The following SMG1 variants were observed in gnomAD, a reference collection of about 807,000 sequenced individuals.
SMG1 encodes SMG1 nonsense mediated mRNA decay associated PI3K related kinase.
Under a neutral mutation model 419.9 loss-of-function variants are expected in SMG1, and 22 were observed. The observed-to-expected ratio is 0.05, with a 90% CI of 0.04 to 0.07. The LOEUF (loss-of-function observed/expected upper bound fraction) is 0.07, where lower values mean the gene tolerates loss of function less well. Ranked by LOEUF, SMG1 falls within the 10% of genes least tolerant of loss-of-function variation. SMG1 has a pLI of 1.00. For synonymous variants in SMG1, 1,538 were observed against 1,553.5 expected (o/e 0.99, Z 0.23); for missense variants, 3,185 against 4,342.0 (o/e 0.73, Z 7.49).
intron 1 of SMG1, chr16:18,900,224 G>A (rs957500534): frequency 1.8e-5 from 8 of 439,298 alleles, no homozygotes; most frequent in Non-Finnish European, 2.0e-5. Flanking sequence ...AGGATAAAGA[G>A]GCTTAATGTG....
chr16:18,827,729 T>C (rs1008080047), intron 55 of SMG1, among the ~76,000 whole-genome samples: 2 of 145,062 alleles, frequency 1.4e-5, no homozygotes, highest in South Asian at 4.2e-4. Context: ...GGTATAAATA[T>C]ACCAAAATAT....
At chr16:18,923,508 T>G (rs2038276066) in intron 1 of SMG1, among the ~76,000 whole-genome samples, 1 of 151,974 alleles carries the variant, frequency 6.6e-6, no homozygotes, top group Non-Finnish European at 1.5e-5. Flanking sequence ...GCTGGACGCC[T>G]GTAATCCCAG....
intron 10 of SMG1, among the ~76,000 whole-genome samples, chr16:18,880,754 C>CCATGCA (rs2036353729): frequency 6.8e-6 from 1 of 146,252 alleles, no homozygotes; most frequent in Non-Finnish European, 1.5e-5. Context: ...GCATTCTTGG[C>CCATGCA]CATGCACAGT....
At chr16:18,880,921 G>T (rs983597380) in intron 10 of SMG1, among the ~76,000 whole-genome samples, 2 of 148,542 alleles carry the variant, frequency 1.3e-5, no homozygotes, top group African/African-American at 5.0e-5. Context: ...GAGCCCAAGA[G>T]ATAGAGACTG....
chr16:18,926,182 G>GA lies in SMG1; in HGVS notation c.-142dup. The GA allele has an allele frequency of 2.8e-6, 2 of 719,902 alleles. No homozygotes were observed. The highest frequency in any genetic ancestry group is 4.3e-6 in the Non-Finnish European group (2 of 462,692). The allele number at this position is 719,902 out of a possible 1,614,324, so 44.6% of individuals were successfully genotyped here. ...AGGAGGAGGAGGAGGAGGAGGAGGA[G>GA]AAGGAGGAGGCGGCGGAGGGCGGGG... On this transcript the variant is annotated 5_prime_UTR_variant, in exon 1 of 63. Coordinates refer to ENST00000446231, the MANE Select transcript of SMG1 (RefSeq NM_015092.5).
chr16:18,890,328 T>C (rs930114551), intron 5 of SMG1, among the ~76,000 whole-genome samples: 5 of 152,136 alleles, frequency 3.3e-5, no homozygotes, highest in Admixed American at 6.6e-5. Context: ...CCAGTGAGAC[T>C]AGCAAATTAA....
Position 18,866,221 on chromosome 16 carries a change from T to C in SMG1, c.3350+400A>G, listed in dbSNP as rs1227520306. On this transcript the variant is annotated intron_variant, in intron 23 of 62. Transcript: ENST00000446231. ...TAAACTAACATAAATGGACACAGAA[T>C]ATTATGGTACAAGCTCCTCTACCTG... The C allele has an allele frequency of 3.1e-5, 7 of 222,518 alleles. No individual in the cohort carries two copies. The East Asian group carries it at 8.6e-4, about 27-fold the overall frequency. The allele number at this position is 222,518 out of a possible 1,614,324, so 13.8% of individuals were successfully genotyped here. A position where few individuals can be genotyped will look rare whatever the true frequency, so the allele number is the denominator to read the frequency against.
Position 18,828,041 on chromosome 16 carries a change from G to A in SMG1, c.9731C>T (p.Ala3244Val), listed in dbSNP as rs560661734. 21 of 1,611,954 alleles carry A rather than the reference G, an allele frequency of 1.3e-5. No individual in the cohort carries two copies. In the East Asian group the frequency reaches 1.3e-4, roughly 10 times the overall value. Reference protein sequence around the residue: ...HTLSQIETSIATVQEKLAALE... With the variant: ...HTLSQIETSIVTVQEKLAALE... Reference sequence around the variant, plus strand: ...TCTGGCAAAACACACCTGAACTGTTGCAATAGAAGTTTCAATCTGGCTCAG... The same window carrying A: ...TCTGGCAAAACACACCTGAACTGTTACAATAGAAGTTTCAATCTGGCTCAG... Residue 3244 changes from alanine (A) to valine (V), a missense_variant, in exon 55 of 63, where the codon GCA becomes GTA. Ala to Val is a moderately conservative substitution (Grantham distance 64, BLOSUM62 0). Transcript: ENST00000446231.
chr16:18,828,275 G>C, intron 54 of SMG1, 107 bp from the exon 55 acceptor site: 2 of 1,109,820 alleles, frequency 1.8e-6, no homozygotes, highest in Non-Finnish European at 2.6e-6. Context: ...AAAAATCCCA[G>C]CTGCAGCCAA....
Position 18,850,362 on chromosome 16 carries a change from C to G in SMG1, c.5158G>C (p.Glu1720Gln). Residue 1720 changes from glutamate (E) to glutamine (Q), a missense_variant, in exon 34 of 63, where the codon GAA becomes CAA. By Grantham distance (29) the Glu-to-Gln change is conservative (BLOSUM62 2). Coordinates refer to ENST00000446231, the MANE Select transcript of SMG1 (RefSeq NM_015092.5). ...CCTTCAGTTGCACTTTCATCAAGTT[C>G]TGAAAGCCATGGGCAGCTTGATATC... is the stretch of plus-strand genomic sequence containing the variant. ...QLISSCPWLS[E>Q]LDESATEGVI... is the part of the protein sequence containing the mutation. 12 of 1,613,998 alleles carry G rather than the reference C, an allele frequency of 7.4e-6. No homozygotes were observed. Among genetic ancestry groups the G allele is most frequent in the Non-Finnish European group, 1.0e-5 (12 of 1,179,860 alleles).
At chr16:18,919,684 AC>A (rs2038118487) in intron 1 of SMG1, among the ~76,000 whole-genome samples, 1 of 149,952 alleles carries the variant, frequency 6.7e-6, no homozygotes, top group Non-Finnish European at 1.5e-5. Flanking sequence ...ACACACACAC[AC>A]ACACACACAC....
chr16:18,818,853 G>C (rs1285431422), intron 56 of SMG1, among the ~76,000 whole-genome samples: 2 of 123,234 alleles, frequency 1.6e-5, no homozygotes, highest in African/African-American at 6.1e-5. Context: ...GTCTTGCTCT[G>C]TCACCCAGGC....
chr16:18,909,235 G>A (rs868293854), intron 1 of SMG1, among the ~76,000 whole-genome samples: 133 of 151,890 alleles, frequency 8.8e-4, no homozygotes, highest in African/African-American at 3.1e-3. Flanking sequence ...CCAGCTACTC[G>A]GGAGGCTGAG....
intron 57 of SMG1, 119 bp downstream of exon 57, chr16:18,817,170 CCT>C: frequency 1.3e-6 from 1 of 742,844 alleles, no homozygotes; most frequent in Non-Finnish European, 1.9e-6. Context: ...CCCCCGCCCC[CCT>C]AACAACCTCT....
intron 21 of SMG1, 71 bp downstream of exon 21, chr16:18,868,452 T>A: frequency 6.7e-7 from 1 of 1,497,398 alleles, no homozygotes; most frequent in South Asian, 1.2e-5. Flanking sequence ...TACTGTGATT[T>A]CAGCTCTGCA....
At chr16:18,812,299 G>T in intron 60 of SMG1, 172 bp from the exon 61 acceptor site, 1 of 594,068 alleles carries the variant, frequency 1.7e-6, no homozygotes, top group Non-Finnish European at 2.8e-6. Context: ...CCTAAAAACA[G>T]CCAGACATTC....
In SMG1 at chr16:18,888,760, G is replaced by A. The variant is rs972611512; in HGVS notation, c.822+612C>T. ...GGATTATAGGCATATAGGCCACCAC[G>A]CTTGGCTGAGGAAAAAAATCTTAAA... On this transcript the variant is annotated intron_variant, in intron 6 of 62. Transcript: ENST00000446231. 8.1e-5 allele frequency among the ~76,000 whole-genome samples: 12 copies of A among 147,688 alleles called. No homozygotes were observed. The East Asian group carries it at 1.2e-3, about 15-fold the overall frequency.
rs1567329031 is a variant in SMG1, at chr16:18,829,499, G to A, written c.9390C>T (p.Ser3130=). The A allele has an allele frequency of 6.2e-7, 1 of 1,613,864 alleles. No individual in the cohort carries two copies. The highest frequency in any genetic ancestry group is 8.5e-7 in the Non-Finnish European group (1 of 1,179,890). The change falls in exon 54 of 63, where the codon AGC becomes AGT. Residue 3130 remains serine (S), a synonymous_variant. Transcript: ENST00000446231. ...TACAGAGATCATCAACAGAAACTTTGCTTTCGGCACCAAAGTCCTTTGCCT... is the reference window on the plus strand; with the variant it reads ...TACAGAGATCATCAACAGAAACTTTACTTTCGGCACCAAAGTCCTTTGCCT... ...QVEAKDFGAE[S]KVSVDDLCKK...
intron 51 of SMG1, among the ~76,000 whole-genome samples, chr16:18,832,582 GCACACACACA>G (rs3222694): frequency 2.0e-4 from 30 of 148,396 alleles, no homozygotes; most frequent in African/African-American, 3.7e-4. Flanking sequence ...CTATACACTT[GCACACACACA>G]CACACACACA....
Sources: gnomAD v4.1 joint callset for allele counts (sites outside exome capture counted in the v4.1 genomes callset) on GRCh38, gnomAD v4.1.1 for gene constraint, MANE v1.5 for transcripts, NCBI Gene and HGNC (gene_info 2026-07-23, HGNC 2026-07-21) for gene names.